Variants in MAP2K6 observed in about 807,000 individuals in gnomAD.
The protein encoded by MAP2K6 is mitogen-activated protein kinase kinase 6.
A neutral mutation model predicts 53.7 loss-of-function variants in MAP2K6; 16 were observed. That is an observed-to-expected ratio of 0.30 (90% confidence interval 0.20 to 0.45). The LOEUF (loss-of-function observed/expected upper bound fraction) is 0.45. MAP2K6 is among the 20% of genes least tolerant of loss of function. The pLI is 1.00. For synonymous variants in MAP2K6, 132 were observed against 143.1 expected, an observed-to-expected ratio of 0.92 and a Z score of 0.55; for missense variants, 204 against 411.9, an observed-to-expected ratio of 0.50 and a Z score of 4.37.
chr17:69,437,995 A>G (rs1906701108), intron 1 of MAP2K6, among the ~76,000 whole-genome samples: 2 of 152,256 alleles, frequency 1.3e-5, no homozygotes, highest in Non-Finnish European at 2.9e-5. Context: ...AAAACCTAGT[A>G]TCTGGAGAGC....
chr17:69,519,278 T>C (rs941572841), intron 4 of MAP2K6, 35 bp from the exon 5 acceptor site: 16 of 1,605,632 alleles, frequency 1.0e-5, no homozygotes, highest in Admixed American at 1.7e-5. Context: ...ATCCTCAGAG[T>C]AGTAACCATA....
chr17:69,511,023 C>T (rs1405803911), intron 2 of MAP2K6, among the ~76,000 whole-genome samples: 1 of 152,094 alleles, frequency 6.6e-6, no homozygotes, highest in African/African-American at 2.4e-5. Context: ...CTTCCCCTTA[C>T]AATTTTTATT....
At chr17:69,429,009 C>A (rs1015782940) in intron 1 of MAP2K6, among the ~76,000 whole-genome samples, 1 of 144,616 alleles carries the variant, frequency 6.9e-6, no homozygotes, top group Non-Finnish European at 1.5e-5. Flanking sequence ...GGTAATGAGA[C>A]CTACACAACA....
intron 1 of MAP2K6, among the ~76,000 whole-genome samples, chr17:69,458,956 T>C (rs1446695256): frequency 6.6e-6 from 1 of 152,180 alleles, no homozygotes; most frequent in Non-Finnish European, 1.5e-5. Context: ...GCAAACCTCT[T>C]AGAGGTTGGC....
chr17:69,473,793 A>G (rs1443120405), intron 1 of MAP2K6, among the ~76,000 whole-genome samples: 1 of 152,190 alleles, frequency 6.6e-6, no homozygotes, highest in African/African-American at 2.4e-5. Context: ...TTCAGGGTTC[A>G]ATATATCTAT....
chr17:69,425,706 C>T (rs977828143), intron 1 of MAP2K6, among the ~76,000 whole-genome samples: 7 of 152,170 alleles, frequency 4.6e-5, no homozygotes, highest in Non-Finnish European at 8.8e-5. Context: ...GTCGAAGCTG[C>T]GGAAATAGAT....
intron 2 of MAP2K6, among the ~76,000 whole-genome samples, chr17:69,506,676 C>G (rs1461952271): frequency 6.6e-6 from 1 of 152,182 alleles, no homozygotes; most frequent in Non-Finnish European, 1.5e-5. Flanking sequence ...GATCTGCTAT[C>G]AGGAAGTGCA....
chr17:69,501,918 G>GTTTTTTTTTTTTTTTT (rs11406039), intron 1 of MAP2K6, among the ~76,000 whole-genome samples: 1 of 129,064 alleles, frequency 7.7e-6, no homozygotes, highest in Non-Finnish European at 1.6e-5. Flanking sequence ...TCCCTCCCAT[G>GTTTTTTTTTTTTTTTT]TTTTTTTTTT....
In MAP2K6 at chr17:69,480,146, C is replaced by A. The variant is rs147867874; in HGVS notation, c.17-25634C>A. Among the ~76,000 whole-genome samples the A allele has an allele frequency of 1.1e-3, 168 of 152,260 alleles. 1 individual carries two copies. The highest frequency in any genetic ancestry group is 3.7e-3 in the African/African-American group (154 of 41,544). On this transcript the variant is annotated intron_variant, in intron 1 of 11. Transcript: ENST00000590474. ...TTTAAAATCTTCCAGCAATTCAGGG[C>A]CTTATGTTCTGGAGAGCCGAGCATT...
intron 11 of MAP2K6, among the ~76,000 whole-genome samples, chr17:69,537,083 A>G (rs892420839): frequency 1.8e-4 from 27 of 146,780 alleles, no homozygotes; most frequent in African/African-American, 7.1e-4. Context: ...CCCTGTCTCA[A>G]AGAAAAACAA....
At chr17:69,519,814 C>T (rs1279859731) in intron 5 of MAP2K6, 1 of 214,112 alleles carries the variant, frequency 4.7e-6, no homozygotes, top group African/African-American at 2.4e-5. Context: ...ACTTTGATCT[C>T]TTTTCTCTAC....
rs1911959658 is a variant in MAP2K6, at chr17:69,548,452, A to G, written c.*6699A>G. 6.6e-6 allele frequency: 1 copy of G among 152,176 alleles called. No homozygotes were observed. The allele number at this position is 152,176 out of a possible 1,614,324, so 9.4% of individuals were successfully genotyped here. On this transcript the variant is annotated 3_prime_UTR_variant, in exon 12 of 12. Transcript: ENST00000590474. ...TTCTCATTTTTTTTTCTTCCAGAAC[A>G]ATAGCACACATCTTGGTTAAAGCTA...
chr17:69,486,788 G>C (rs1908556237), intron 1 of MAP2K6, among the ~76,000 whole-genome samples: 1 of 152,184 alleles, frequency 6.6e-6, no homozygotes. Context: ...GCATTCGTTT[G>C]TAAACACACT....
intron 1 of MAP2K6, among the ~76,000 whole-genome samples, chr17:69,459,896 T>C (rs1431399093): frequency 2.7e-5 from 4 of 149,928 alleles, no homozygotes; most frequent in Non-Finnish European, 5.9e-5. Flanking sequence ...TCTCCCTCCC[T>C]TTCTTCTTTC....
intron 1 of MAP2K6, among the ~76,000 whole-genome samples, chr17:69,421,870 G>A (rs750555394): frequency 1.3e-5 from 2 of 151,710 alleles, no homozygotes; most frequent in East Asian, 1.9e-4. Flanking sequence ...ACAGCTGGCT[G>A]CCCTCTAACA....
chr17:69,517,197 C>T (rs1266862807), intron 3 of MAP2K6, among the ~76,000 whole-genome samples: 5 of 151,288 alleles, frequency 3.3e-5, no homozygotes, highest in Non-Finnish European at 5.9e-5. Flanking sequence ...GTTACAGACA[C>T]AATGAAGGGT....
chr17:69,512,841 T>A (rs1003628613), intron 2 of MAP2K6, among the ~76,000 whole-genome samples: 1 of 152,190 alleles, frequency 6.6e-6, no homozygotes, highest in African/African-American at 2.4e-5. Context: ...AATAAATATT[T>A]CTGAATCAAT....
intron 1 of MAP2K6, among the ~76,000 whole-genome samples, chr17:69,489,960 A>G (rs1598286643): frequency 6.6e-6 from 1 of 152,364 alleles, no homozygotes; most frequent in East Asian, 1.9e-4. Flanking sequence ...CTGGAAAGAA[A>G]GGTAACTAGA....
chr17:69,536,129 C>G lies in MAP2K6; in HGVS notation c.896C>G (p.Ser299Cys). 6.2e-7 allele frequency: 1 copy of G among 1,609,278 alleles called. No individual in the cohort carries two copies. The highest frequency in any genetic ancestry group is 8.5e-7 in the Non-Finnish European group (1 of 1,176,682). The change falls in exon 11 of 12, where the codon TCC (serine) becomes TGC (cysteine). Residue 299 changes from serine to cysteine, a missense_variant. Ser to Cys is a moderately radical substitution (Grantham distance 112). Around this residue, in one of 3 missense-constraint regions of MAP2K6, gnomAD observed 47 missense variants for 62.3 expected, o/e 0.75. Coordinates refer to ENST00000590474, the MANE Select transcript of MAP2K6 (RefSeq NM_002758.4). ...TTTTCTTTAAGCTTAAAGAAGAATT[C>G]CAAAGAACGGCCTACATACCCAGAG... ...DFTSQCLKKNSKERPTYPELM... is the reference protein window; with the variant it reads ...DFTSQCLKKNCKERPTYPELM...
Sources: allele counts gnomAD v4.1 joint callset (sites outside exome capture counted in the v4.1 genomes callset), GRCh38; gene constraint gnomAD v4.1.1; regional missense constraint gnomAD v4.1.1; transcripts MANE v1.5; gene names NCBI Gene and HGNC (gene_info 2026-07-23, HGNC 2026-07-21).